The following DPY19L1 variants were observed in gnomAD, a reference collection of about 807,000 sequenced individuals.
DPY19L1 encodes protein C-mannosyl-transferase DPY19L1.
DPY19L1 carries 35 observed loss-of-function variants against 96.9 expected under a neutral mutation model. The observed-to-expected ratio is 0.36, with a 90% CI of 0.28 to 0.48. The LOEUF is 0.48. DPY19L1 is among the 20% of genes least tolerant of loss of function. DPY19L1 has a pLI of 0.99. For synonymous variants in DPY19L1, 205 were observed against 252.6 expected, an observed-to-expected ratio of 0.81 and a Z score of 1.79; for missense variants, 521 against 777.9, an observed-to-expected ratio of 0.67 and a Z score of 3.93.
chr7:34,968,668 G>A (rs1784659568), intron 9 of DPY19L1, among the ~76,000 whole-genome samples: 2 of 150,130 alleles, frequency 1.3e-5, no homozygotes, highest in African/African-American at 4.9e-5. Context: ...TACTTGGGAG[G>A]CTGAGGCAGG....
At chr7:34,981,066 T>G (rs1784928760) in intron 7 of DPY19L1, among the ~76,000 whole-genome samples, 1 of 152,106 alleles carries the variant, frequency 6.6e-6, no homozygotes, top group Non-Finnish European at 1.5e-5. Flanking sequence ...GGGTTGGAAA[T>G]AGTCTATGCA....
chr7:34,989,438 G>T (rs1430870864), intron 7 of DPY19L1, among the ~76,000 whole-genome samples: 4 of 151,990 alleles, frequency 2.6e-5, no homozygotes, highest in Non-Finnish European at 4.4e-5. Context: ...AACATAGAAA[G>T]ATTCCATCTC....
chr7:34,975,921 T>C (rs1167721817), intron 7 of DPY19L1, among the ~76,000 whole-genome samples: 1 of 152,214 alleles, frequency 6.6e-6, no homozygotes. Context: ...AAAAGATTCA[T>C]TTCAAAATAT....
chr7:34,989,939 C>T lies in DPY19L1; in HGVS notation c.767G>A (p.Gly256Asp). 6.2e-7 allele frequency: 1 copy of T among 1,607,380 alleles called. No homozygotes were observed. Among genetic ancestry groups the T allele is most frequent in the Non-Finnish European group, 8.5e-7 (1 of 1,177,862 alleles). ...LFFIYGTYLSGSRLGGLVTVL... is the reference protein window; with the variant it reads ...LFFIYGTYLSDSRLGGLVTVL... The stretch of plus-strand genomic sequence containing the variant: ...TGTAACCAGGCCTCCTAATCGGCTG[C>T]CACTGGAAAAGAAGAAAACATAACT... The change falls in exon 7 of 22, where the codon GGC becomes GAC. Residue 256 changes from glycine to aspartate, a missense_variant and splice_region_variant. Physicochemically the swap from Gly to Asp is moderately conservative, Grantham distance 94 (BLOSUM62 -1). Coordinates refer to ENST00000638088, the MANE Select transcript of DPY19L1 (RefSeq NM_001366673.1).
intron 10 of DPY19L1, 110 bp from the exon 11 acceptor site, chr7:34,958,180 A>G: frequency 1.5e-6 from 1 of 654,456 alleles, no homozygotes; most frequent in Non-Finnish European, 2.5e-6. Flanking sequence ...AAACTGTTGA[A>G]AAGGGACTAT....
At chr7:35,026,649 A>C (rs1036537641) in intron 1 of DPY19L1, among the ~76,000 whole-genome samples, 2 of 152,220 alleles carry the variant, frequency 1.3e-5, no homozygotes, top group African/African-American at 4.8e-5. Flanking sequence ...ACAATCCAGG[A>C]GTAAGATGAC....
At position 35,037,309 on chromosome 7, in the gene DPY19L1, C is replaced by A. The variant is rs1264334102; in HGVS notation, c.86G>T (p.Gly29Val). 7 of 350,490 alleles carry A rather than the reference C, an allele frequency of 2.0e-5. No individual in the cohort carries two copies. Among genetic ancestry groups the A allele is most frequent in the South Asian group, 1.3e-4 (1 of 7,422 alleles). The allele number at this position is 350,490 out of a possible 1,614,324, so 21.7% of individuals were successfully genotyped here. Residue 29 changes from glycine to valine, a missense_variant, in exon 1 of 22, where the codon GGG becomes GTG. By Grantham distance (109) the Gly-to-Val change is moderately radical. Transcript: ENST00000638088. ...CTCCCCGGCGCCGACGTCCGACGCC[C>A]CCCTCAGCGGCGACTGTGAGGCGCG... ...PPRASQSPLR[G>V]ASDVGAGEPG...
chr7:34,950,284 A>G (rs760201299), intron 13 of DPY19L1, among the ~76,000 whole-genome samples: 1 of 152,216 alleles, frequency 6.6e-6, no homozygotes, highest in Non-Finnish European at 1.5e-5. Flanking sequence ...ACTATGGGGT[A>G]AAGAAAAAGA....
At chr7:35,020,624 T>C (rs1785973565) in intron 1 of DPY19L1, among the ~76,000 whole-genome samples, 1 of 152,248 alleles carries the variant, frequency 6.6e-6, no homozygotes, top group South Asian at 2.1e-4. Context: ...GAAGAGTATT[T>C]ATTTTGCAAT....
At chr7:34,983,136 T>G (rs565688492) in intron 7 of DPY19L1, among the ~76,000 whole-genome samples, 21 of 152,214 alleles carry the variant, frequency 1.4e-4, no homozygotes, top group Non-Finnish European at 2.9e-4. Context: ...CAGTCTCTCT[T>G]CCTAGGTGCT....
At chr7:34,963,156 C>G in intron 10 of DPY19L1, among the ~76,000 whole-genome samples, 1 of 141,040 alleles carries the variant, frequency 7.1e-6, no homozygotes, top group African/African-American at 2.7e-5. Context: ...GATCGTGCCA[C>G]TGCACTCCAG....
chr7:34,996,083 G>A (rs328923), intron 6 of DPY19L1, among the ~76,000 whole-genome samples: 39,669 of 151,952 alleles, frequency 0.26, 5,351 homozygotes, highest in Non-Finnish European at 0.31. Flanking sequence ...TCTATCTGCC[G>A]ATTCTAACTG....
chr7:34,944,742 C>G (rs1784106272), intron 16 of DPY19L1, among the ~76,000 whole-genome samples: 1 of 152,090 alleles, frequency 6.6e-6, no homozygotes, highest in African/African-American at 2.4e-5. Context: ...CTACAAAAGG[C>G]ATCTCTCCCC....
At chr7:34,954,592 T>A in intron 13 of DPY19L1, 106 bp downstream of exon 13, 1 of 626,268 alleles carries the variant, frequency 1.6e-6, no homozygotes, top group Non-Finnish European at 2.8e-6. Flanking sequence ...GTGAACAGAC[T>A]TCATCCTAGA....
At chr7:34,952,068 CA>C (rs67358186) in intron 13 of DPY19L1, among the ~76,000 whole-genome samples, 36,032 of 93,266 alleles carry the variant, frequency 0.39, 4,739 homozygotes, top group Middle Eastern at 0.43. Flanking sequence ...ACTAAACTTT[CA>C]AAAAAAAAAA....
chr7:34,953,507 G>A (rs765402585), intron 13 of DPY19L1, among the ~76,000 whole-genome samples: 1 of 152,120 alleles, frequency 6.6e-6, no homozygotes, highest in South Asian at 2.1e-4. Flanking sequence ...CATCCTCAGA[G>A]CTGACTTCCA....
intron 13 of DPY19L1, among the ~76,000 whole-genome samples, chr7:34,954,045 A>T (rs1784323004): frequency 6.6e-6 from 1 of 152,080 alleles, no homozygotes; most frequent in South Asian, 2.1e-4. Context: ...AAAATAGTTT[A>T]TTTTTTCCAT....
At chr7:35,017,213 G>A (rs1785871428) in intron 3 of DPY19L1, among the ~76,000 whole-genome samples, 1 of 152,016 alleles carries the variant, frequency 6.6e-6, no homozygotes. Context: ...GAGATAGTTG[G>A]CCGGGCACGG....
intron 1 of DPY19L1, among the ~76,000 whole-genome samples, chr7:35,023,662 C>T (rs144863275): frequency 5.1e-4 from 78 of 152,186 alleles, no homozygotes; most frequent in African/African-American, 1.7e-3. Flanking sequence ...CTATTCCCTC[C>T]AAGGCACATA....
Sources: allele counts gnomAD v4.1 joint callset (sites outside exome capture counted in the v4.1 genomes callset), GRCh38; gene constraint gnomAD v4.1.1; transcripts MANE v1.5; gene names NCBI Gene and HGNC (gene_info 2026-07-23, HGNC 2026-07-21).